Variants in ERMP1 observed in about 807,000 individuals in gnomAD.
ERMP1 encodes the protein endoplasmic reticulum metallopeptidase 1, also known as Felix-ina.
A neutral mutation model predicts 92.0 loss-of-function variants in ERMP1; 86 were observed. The ratio of observed to expected loss-of-function variants is 0.93; its 90% CI spans 0.79 to 1.12. ERMP1 has a LOEUF of 1.12. Among genes scored for constraint, ERMP1 ranks in the 50% most tolerant of loss-of-function variants. ERMP1 has a pLI of 0.00. For missense variants in ERMP1, 1,342 were observed against 1,116.3 expected (o/e 1.20, Z -2.88); for synonymous variants, 530 against 412.8 (o/e 1.28, Z -3.44).
intron 13 of ERMP1, chr9:5,791,133 T>C (rs1828176662): frequency 2.3e-6 from 1 of 440,104 alleles, no homozygotes; most frequent in South Asian, 1.6e-5. Context: ...GTGAACTTCC[T>C]ATATTAGCAT....
In ERMP1 at chr9:5,811,269, G is replaced by C. The variant is rs765891108; in HGVS notation, c.1169C>G (p.Ala390Gly). Residue 390 changes from alanine (A) to glycine (G), a missense_variant, in exon 7 of 15, where the codon GCT (alanine) becomes GGT (glycine). Transcript: ENST00000339450. ...GTTTCCATGTCGATACTTAGAAGCA[G>C]CAGCCAGCATATCAGATGTAGCTAG... ...KHLATSDMLA[A>G]ASKYRHGNMV... The C allele has an allele frequency of 6.2e-7, 1 of 1,613,640 alleles. No homozygotes were observed. Among genetic ancestry groups the C allele is most frequent in the South Asian group, 1.1e-5 (1 of 91,078 alleles).
At chr9:5,790,597 G>T (rs73390148) in intron 13 of ERMP1, among the ~76,000 whole-genome samples, 3 of 152,138 alleles carry the variant, frequency 2.0e-5, no homozygotes, top group Non-Finnish European at 4.4e-5. Flanking sequence ...GGTATTTCAG[G>T]CAAGTGGAAA....
chr9:5,792,783 G>C (rs1276949839), intron 13 of ERMP1, among the ~76,000 whole-genome samples: 3 of 152,156 alleles, frequency 2.0e-5, no homozygotes, highest in Non-Finnish European at 4.4e-5. Context: ...ACTGAAGACA[G>C]ACATACTGCA....
At chr9:5,839,712 C>G (rs1245871641) in intron 6 of ERMP1, among the ~76,000 whole-genome samples, 1 of 152,126 alleles carries the variant, frequency 6.6e-6, no homozygotes, top group Non-Finnish European at 1.5e-5. Context: ...TTTCACTTGG[C>G]TTTCGGGCTG....
intron 6 of ERMP1, chr9:5,856,152 A>G (rs1308345470): frequency 3.2e-6 from 1 of 315,926 alleles, no homozygotes; most frequent in Non-Finnish European, 6.4e-6. Context: ...TTGTCTTCAA[A>G]TCAGGGCATT....
At chr9:5,854,172 TGGA>T (rs892066798) in intron 6 of ERMP1, among the ~76,000 whole-genome samples, 22 of 151,936 alleles carry the variant, frequency 1.4e-4, no homozygotes, top group African/African-American at 4.6e-4. Context: ...ACTGGGGATC[TGGA>T]GGAGGAGAAG....
At chr9:5,808,508 C>T (rs1828954302) in intron 8 of ERMP1, among the ~76,000 whole-genome samples, 2 of 152,204 alleles carry the variant, frequency 1.3e-5, no homozygotes, top group African/African-American at 2.4e-5. Flanking sequence ...CACATCCCAA[C>T]ATTAACTGAA....
intron 6 of ERMP1, among the ~76,000 whole-genome samples, chr9:5,847,341 C>T (rs901298392): frequency 3.9e-5 from 6 of 152,046 alleles, no homozygotes; most frequent in African/African-American, 1.2e-4. Flanking sequence ...TGGGCTCAAA[C>T]GATCCTCCCG....
In ERMP1 at chr9:5,823,277, T is replaced by TA. The variant is rs201953517; in HGVS notation, c.874+618dup. Among the ~76,000 whole-genome samples, 18 of 150,970 alleles carry TA rather than the reference T, an allele frequency of 1.2e-4. 1 individual carries two copies. In the East Asian group the frequency reaches 1.5e-3, roughly 13 times the overall value. On this transcript the variant is annotated intron_variant, in intron 4 of 14. Coordinates refer to ENST00000339450, the MANE Select transcript of ERMP1 (RefSeq NM_024896.3). ...GGGTGACAGAGCATGGCTCTGTCTC[T>TA]AAAAAAACAATAAAATAAAAATTAT...
Position 5,786,321 on chromosome 9 carries a change from G to T in ERMP1, c.*823C>A, listed in dbSNP as rs1410782414. 1 of 152,200 alleles carries T rather than the reference G, an allele frequency of 6.6e-6. No individual in the cohort carries two copies. The highest frequency in any genetic ancestry group is 1.5e-5 in the Non-Finnish European group (1 of 68,042). The allele number at this position is 152,200 out of a possible 1,614,324, so 9.4% of individuals were successfully genotyped here. A position where few individuals can be genotyped will look rare whatever the true frequency, so the allele number is the denominator to read the frequency against. On this transcript the variant is annotated 3_prime_UTR_variant, in exon 15 of 15. Coordinates refer to ENST00000339450, the MANE Select transcript of ERMP1 (RefSeq NM_024896.3). ...ATGGCAGCTCAGTGCTCTGAGGAAG[G>T]AAGTTAAGGTCATGTACTGGCACAA...
chr9:5,853,204 T>A (rs1473626843), intron 6 of ERMP1, among the ~76,000 whole-genome samples: 1 of 152,226 alleles, frequency 6.6e-6, no homozygotes, highest in Non-Finnish European at 1.5e-5. Context: ...TTCATTCTGA[T>A]ACAGGAGAAG....
intron 8 of ERMP1, 69 bp downstream of exon 8, chr9:5,809,942 T>A: frequency 9.0e-7 from 1 of 1,110,206 alleles, no homozygotes; most frequent in South Asian, 1.3e-5. Flanking sequence ...ATACAATGAA[T>A]CACACTTAAG....
upstream of ERMP1, among the ~76,000 whole-genome samples, chr9:5,838,064 C>G (rs1016755386): frequency 2.0e-5 from 3 of 151,912 alleles, no homozygotes; most frequent in African/African-American, 7.3e-5. Context: ...ACGCACTGCC[C>G]TCCAGCCTGG....
At chr9:5,856,690 T>C (rs1418411679) in intron 6 of ERMP1, among the ~76,000 whole-genome samples, 1 of 152,206 alleles carries the variant, frequency 6.6e-6, no homozygotes, top group African/African-American at 2.4e-5. Context: ...CCATTGCTCC[T>C]AAAGGAAATA....
chr9:5,792,337 A>G (rs1249821757), intron 13 of ERMP1, among the ~76,000 whole-genome samples: 1 of 152,218 alleles, frequency 6.6e-6, no homozygotes, highest in East Asian at 1.9e-4. Context: ...CCTAGAAAGA[A>G]GTTTTACAGG....
chr9:5,801,126 A>G (rs780134356), intron 11 of ERMP1, 50 bp downstream of exon 11: 4 of 1,567,210 alleles, frequency 2.6e-6, no homozygotes, highest in South Asian at 1.2e-5. Flanking sequence ...AGCTCAAAAC[A>G]CACAGGGCTT....
chr9:5,833,149 C>T, upstream of ERMP1: 1 of 924,928 alleles, frequency 1.1e-6, no homozygotes, highest in African/African-American at 1.8e-5. Context: ...GAGGGCCAAA[C>T]TTCTTCTGAT....
At chr9:5,807,150 C>A (rs1397699156) in intron 8 of ERMP1, among the ~76,000 whole-genome samples, 1 of 152,322 alleles carries the variant, frequency 6.6e-6, no homozygotes, top group African/African-American at 2.4e-5. Flanking sequence ...TTCCTCCTCA[C>A]CTCTATTCAT....
chr9:5,856,406 G>A (rs904013981), intron 6 of ERMP1: 28 of 176,194 alleles, frequency 1.6e-4, no homozygotes, highest in African/African-American at 6.2e-4. Context: ...GGATGACCAT[G>A]TGCAGGAGTT....
Sources: gnomAD v4.1 joint callset for allele counts (sites outside exome capture counted in the v4.1 genomes callset) on GRCh38, gnomAD v4.1.1 for gene constraint, MANE v1.5 for transcripts, NCBI Gene and HGNC (gene_info 2026-07-23, HGNC 2026-07-21) for gene names.